ADGRL3: variants seen among roughly 807,000 people sequenced by gnomAD.
ADGRL3 encodes adhesion G protein-coupled receptor L3.
In ADGRL3, 62 loss-of-function variants were observed where a neutral mutation model predicts 153.5. The observed-to-expected ratio is 0.40, with a 90% CI of 0.33 to 0.50. The LOEUF is 0.50. Ranked by LOEUF, ADGRL3 falls within the 20% of genes least tolerant of loss-of-function variation. ADGRL3 has a pLI of 0.47. For synonymous variants in ADGRL3, 710 were observed against 672.5 expected (o/e 1.06, Z -0.86); for missense variants, 1,641 against 1,859.4 (o/e 0.88, Z 2.16).
chr4:61,887,888 A>C (rs976388323), intron 9 of ADGRL3, among the ~76,000 whole-genome samples: 1 of 152,204 alleles, frequency 6.6e-6, no homozygotes, highest in African/African-American at 2.4e-5. Context: ...TGCAAAATGT[A>C]AAGAACTTTA....
intron 13 of ADGRL3, among the ~76,000 whole-genome samples, chr4:61,919,452 C>A (rs1170120123): frequency 2.6e-5 from 4 of 151,932 alleles, no homozygotes; most frequent in Non-Finnish European, 5.9e-5. Context: ...TTTCTGGTGC[C>A]CTAAACCTAT....
chr4:61,556,755 C>G (rs2098768988), intron 4 of ADGRL3, among the ~76,000 whole-genome samples: 1 of 152,050 alleles, frequency 6.6e-6, no homozygotes, highest in South Asian at 2.1e-4. Flanking sequence ...GGTACTTAAC[C>G]CCGGTGACAA....
At chr4:61,258,813 A>G (rs10446793) in intron 1 of ADGRL3, among the ~76,000 whole-genome samples, 35,251 of 152,094 alleles carry the variant, frequency 0.23, 4,315 homozygotes, top group South Asian at 0.35. Context: ...TAATCACTTC[A>G]CTCATATATA....
intron 1 of ADGRL3, among the ~76,000 whole-genome samples, chr4:61,358,319 C>G (rs976564297): frequency 6.6e-6 from 1 of 151,906 alleles, no homozygotes; most frequent in Non-Finnish European, 1.5e-5. Flanking sequence ...ACCATTGGGC[C>G]GGGAGCGGTG....
At chr4:61,358,293 C>T (rs761726301) in intron 1 of ADGRL3, among the ~76,000 whole-genome samples, 3 of 152,138 alleles carry the variant, frequency 2.0e-5, no homozygotes, top group Non-Finnish European at 2.9e-5. Flanking sequence ...CAGTGGGTTT[C>T]TGCTCATGAA....
chr4:62,030,906 T>C (rs1346894070), intron 22 of ADGRL3, among the ~76,000 whole-genome samples: 1 of 151,578 alleles, frequency 6.6e-6, no homozygotes, highest in Non-Finnish European at 1.5e-5. Context: ...ATTAGACAAG[T>C]GGGGCTCATT....
intron 2 of ADGRL3, among the ~76,000 whole-genome samples, chr4:61,458,752 A>C (rs2097779811): frequency 6.6e-6 from 1 of 151,500 alleles, no homozygotes; most frequent in South Asian, 2.1e-4. Context: ...TAGGAAATAC[A>C]TTTTAGGTTA....
intron 2 of ADGRL3, among the ~76,000 whole-genome samples, chr4:61,419,882 C>A (rs1370810075): frequency 6.6e-6 from 1 of 151,886 alleles, no homozygotes. Context: ...GCAGCCTCCA[C>A]CTCCGGGTTT....
chr4:61,339,163 G>A (rs1243506884), intron 1 of ADGRL3, among the ~76,000 whole-genome samples: 2 of 152,096 alleles, frequency 1.3e-5, no homozygotes, highest in South Asian at 2.1e-4. Context: ...TGACTTCTCA[G>A]TACTTTCTAT....
chr4:61,466,518 A>G (rs933004190), intron 2 of ADGRL3, among the ~76,000 whole-genome samples: 2 of 152,160 alleles, frequency 1.3e-5, no homozygotes, highest in African/African-American at 4.8e-5. Context: ...GCATGAATGT[A>G]TTTTACATTT....
chr4:62,036,920 CATG>C (rs1725314148), intron 23 of ADGRL3, among the ~76,000 whole-genome samples: 1 of 151,940 alleles, frequency 6.6e-6, no homozygotes, highest in East Asian at 1.9e-4. Context: ...AAATTTTAGA[CATG>C]ATAAAATTTT....
intron 6 of ADGRL3, among the ~76,000 whole-genome samples, chr4:61,678,155 T>C (rs1192045372): frequency 6.6e-6 from 1 of 152,022 alleles, no homozygotes; most frequent in African/African-American, 2.4e-5. Flanking sequence ...TATTGTTCAC[T>C]AGTGATATTT....
chr4:61,615,222 C>T (rs6551635), intron 5 of ADGRL3, among the ~76,000 whole-genome samples: 149,414 of 152,212 alleles, frequency 0.98, 73,384 homozygotes, highest in East Asian at 1. Flanking sequence ...ATAACTCTTC[C>T]GAATTTGTTT....
chr4:61,841,876 A>G (rs2098037853), intron 9 of ADGRL3, among the ~76,000 whole-genome samples: 1 of 152,180 alleles, frequency 6.6e-6, no homozygotes, highest in Admixed American at 6.5e-5. Context: ...TGGGGGTAGG[A>G]TGAAGGCATG....
intron 2 of ADGRL3, among the ~76,000 whole-genome samples, chr4:61,450,046 C>T (rs75361087): frequency 0.037 from 5,632 of 152,174 alleles, 118 homozygotes; most frequent in South Asian, 0.091. Context: ...ATTGAAGCCA[C>T]GTTAGAATAG....
chr4:61,320,250 G>A (rs904322804), intron 1 of ADGRL3, among the ~76,000 whole-genome samples: 49 of 152,260 alleles, frequency 3.2e-4, no homozygotes, highest in African/African-American at 1.1e-3. Flanking sequence ...AGTCCAGGCC[G>A]ACTAATGTAC....
chr4:61,466,952 T>C (rs2097892163), intron 2 of ADGRL3, among the ~76,000 whole-genome samples: 1 of 152,110 alleles, frequency 6.6e-6, no homozygotes, highest in Non-Finnish European at 1.5e-5. Context: ...TACAAGTATT[T>C]AGCCAAATGC....
chr4:61,748,192 C>T (rs867330546), intron 8 of ADGRL3, among the ~76,000 whole-genome samples: 18 of 152,124 alleles, frequency 1.2e-4, no homozygotes, highest in African/African-American at 4.1e-4. Flanking sequence ...CAAACCACTG[C>T]TCAATGAAAT....
At chr4:61,424,205 G>A (rs1460933182) in intron 2 of ADGRL3, among the ~76,000 whole-genome samples, 5 of 152,064 alleles carry the variant, frequency 3.3e-5, no homozygotes, top group Non-Finnish European at 5.9e-5. Flanking sequence ...GTGATGAGCC[G>A]ACTCATAACA....
Sources: allele counts gnomAD v4.1 joint callset (sites outside exome capture counted in the v4.1 genomes callset), GRCh38; gene constraint gnomAD v4.1.1; transcripts MANE v1.5; gene names NCBI Gene and HGNC (gene_info 2026-07-23, HGNC 2026-07-21).